PDE10A: variants seen among roughly 807,000 people sequenced by gnomAD.
The protein encoded by PDE10A is phosphodiesterase 10A.
Under a neutral mutation model 97.7 loss-of-function variants are expected in PDE10A, and 39 were observed. The ratio of observed to expected loss-of-function variants is 0.40; its 90% confidence interval spans 0.31 to 0.52. The LOEUF is 0.52. Ranked by LOEUF, PDE10A falls within the 20% of genes least tolerant of loss-of-function variation. The pLI is 0.56. For missense variants in PDE10A, 731 were observed against 1,047.8 expected (o/e 0.70, Z 4.17); for synonymous variants, 371 against 376.8 (o/e 0.98, Z 0.18).
At chr6:165,489,904 G>T (rs775471151) in intron 2 of PDE10A, among the ~76,000 whole-genome samples, 1 of 152,094 alleles carries the variant, frequency 6.6e-6, no homozygotes, top group Non-Finnish European at 1.5e-5. Context: ...AAAGAAAAAA[G>T]AATTTAATAA....
chr6:165,567,578 T>A (rs1405973062), intron 1 of PDE10A, among the ~76,000 whole-genome samples: 1 of 152,218 alleles, frequency 6.6e-6, no homozygotes, highest in Non-Finnish European at 1.5e-5. Context: ...TTATTACTTC[T>A]ACTATGAAAC....
intron 1 of PDE10A, among the ~76,000 whole-genome samples, chr6:165,843,615 A>G (rs1780322234): frequency 6.6e-6 from 1 of 151,984 alleles, no homozygotes; most frequent in Non-Finnish European, 1.5e-5. Context: ...CACCCACCCC[A>G]TCCCTGAGGG....
At chr6:165,912,049 C>T (rs1782475050) in intron 1 of PDE10A, among the ~76,000 whole-genome samples, 1 of 151,814 alleles carries the variant, frequency 6.6e-6, no homozygotes, top group Non-Finnish European at 1.5e-5. Flanking sequence ...CTATCTCTAT[C>T]TCTATTATCT....
rs559397927 is a variant in PDE10A, at chr6:165,334,425, G to A, written c.3066-1298C>T. ...TAGCGCCCTACAGCGCCGGGCACGCGCCTCTATAGCGCCCTACAGCGCCGG... is the reference window on the plus strand; with the variant it reads ...TAGCGCCCTACAGCGCCGGGCACGCACCTCTATAGCGCCCTACAGCGCCGG... On this transcript the variant is annotated intron_variant, in intron 21 of 21. Coordinates refer to ENST00000539869, the MANE Select transcript of PDE10A (RefSeq NM_001385079.1). 1.9e-3 allele frequency among the ~76,000 whole-genome samples: 282 copies of A among 146,516 alleles called. 6 individuals carry two copies. The highest frequency in any genetic ancestry group is 6.5e-3 in the African/African-American group (254 of 39,054).
intron 13 of PDE10A, among the ~76,000 whole-genome samples, chr6:165,413,288 T>C (rs542631825): frequency 6.6e-6 from 1 of 152,296 alleles, no homozygotes; most frequent in African/African-American, 2.4e-5. Context: ...AATTCCCACC[T>C]TGAAATAAAC....
At chr6:165,909,008 T>C (rs1312215289) in intron 1 of PDE10A, 1 of 152,154 alleles carries the variant, frequency 6.6e-6, no homozygotes, top group Admixed American at 6.5e-5. Flanking sequence ...TGGACACATT[T>C]TGGGTTTGGA....
At chr6:165,374,701 T>C (rs1031998930) in intron 18 of PDE10A, among the ~76,000 whole-genome samples, 1 of 151,916 alleles carries the variant, frequency 6.6e-6, no homozygotes, top group Non-Finnish European at 1.5e-5. Flanking sequence ...GTTCCAGGCA[T>C]ACATTGTTTT....
At chr6:165,766,256 GGCATTT>G (rs1181093506) in intron 1 of PDE10A, among the ~76,000 whole-genome samples, 5 of 152,160 alleles carry the variant, frequency 3.3e-5, no homozygotes, top group Non-Finnish European at 7.3e-5. Flanking sequence ...TGTATTGTAG[GGCATTT>G]GCTCACATTT....
chr6:165,430,207 TG>T, intron 9 of PDE10A, 79 bp downstream of exon 9: 1 of 920,210 alleles, frequency 1.1e-6, no homozygotes, highest in Non-Finnish European at 1.7e-6. Context: ...CAATAGACAA[TG>T]GTCTATTTCT....
At chr6:165,399,365 C>A (rs914495254) in intron 13 of PDE10A, among the ~76,000 whole-genome samples, 1 of 152,036 alleles carries the variant, frequency 6.6e-6, no homozygotes, top group African/African-American at 2.4e-5. Flanking sequence ...CCTAGAATAG[C>A]CAAAATAACT....
intron 1 of PDE10A, among the ~76,000 whole-genome samples, chr6:165,659,765 T>C (rs1790143735): frequency 1.3e-5 from 2 of 152,086 alleles, no homozygotes; most frequent in South Asian, 4.1e-4. Flanking sequence ...TTCTGCAGAG[T>C]AGACCCTTCT....
intron 1 of PDE10A, among the ~76,000 whole-genome samples, chr6:165,981,757 G>A (rs1044307342): frequency 2.6e-4 from 40 of 152,284 alleles, no homozygotes; most frequent in African/African-American, 9.1e-4. Flanking sequence ...TTGTATGACT[G>A]TTTGTTTGTC....
intron 1 of PDE10A, among the ~76,000 whole-genome samples, chr6:165,867,931 T>C (rs1325554510): frequency 6.6e-6 from 1 of 151,992 alleles, no homozygotes; most frequent in Non-Finnish European, 1.5e-5. Context: ...GACCATTGGG[T>C]CAGTAAAGAA....
At chr6:165,646,233 T>C (rs897037961) in intron 1 of PDE10A, among the ~76,000 whole-genome samples, 2 of 152,182 alleles carry the variant, frequency 1.3e-5, no homozygotes, top group East Asian at 1.9e-4. Flanking sequence ...AAAGCAACAT[T>C]TGAAGGATTT....
intron 1 of PDE10A, among the ~76,000 whole-genome samples, chr6:165,689,204 G>T (rs994312078): frequency 6.6e-6 from 1 of 152,106 alleles, no homozygotes; most frequent in African/African-American, 2.4e-5. Flanking sequence ...CCGTTGTGGG[G>T]TTAAGTGATA....
intron 1 of PDE10A, among the ~76,000 whole-genome samples, chr6:165,763,994 A>G (rs1157561221): frequency 2.6e-5 from 4 of 152,228 alleles, no homozygotes; most frequent in African/African-American, 9.6e-5. Context: ...AACGGGTTTG[A>G]GATCCCTGAG....
chr6:165,658,582 T>A (rs1018067448), intron 1 of PDE10A, among the ~76,000 whole-genome samples: 2 of 152,192 alleles, frequency 1.3e-5, no homozygotes, highest in Non-Finnish European at 2.9e-5. Flanking sequence ...CCTGCAGCCG[T>A]GTTACATCAG....
rs34272357 is a variant in PDE10A at position 165,604,518 on chromosome 6, T to TAAAAAAAAAAAAA, written c.865+57416_865+57428dup. On this transcript the variant is annotated intron_variant, in intron 1 of 21. Transcript: ENST00000539869. ...ACAAGACTGCACTTACTCTCTTTGT[T>TAAAAAAAAAAAAA]AAAAAAAAAAAAAAAAAGTGTTACT... 3.9e-3 allele frequency among the ~76,000 whole-genome samples: 531 copies of TAAAAAAAAAAAAA among 137,666 alleles called. 5 individuals carry two copies. Among genetic ancestry groups the TAAAAAAAAAAAAA allele is most frequent in the African/African-American group, 0.014 (504 of 36,714 alleles). The allele number at this position is 137,666 out of a possible 152,430, so 90.3% of individuals were successfully genotyped here. A position where few individuals can be genotyped will look rare whatever the true frequency, so the allele number is the denominator to read the frequency against.
At chr6:165,738,169 C>G (rs1469422469) in intron 1 of PDE10A, among the ~76,000 whole-genome samples, 1 of 119,984 alleles carries the variant, frequency 8.3e-6, no homozygotes, top group Non-Finnish European at 1.7e-5. Context: ...CCCCTCCCCC[C>G]ACCCCACAAC....
Sources: allele counts gnomAD v4.1 joint callset (sites outside exome capture counted in the v4.1 genomes callset), GRCh38; gene constraint gnomAD v4.1.1; transcripts MANE v1.5; gene names NCBI Gene and HGNC (gene_info 2026-07-23, HGNC 2026-07-21).